The following FAM53A variants were observed in gnomAD, a reference collection of about 807,000 sequenced individuals.
FAM53A encodes family with sequence similarity 53 member A.
Under a neutral mutation model 26.6 loss-of-function variants are expected in FAM53A, and 28 were observed. The ratio of observed to expected loss-of-function variants is 1.05; its 90% CI spans 0.78 to 1.45. FAM53A has a LOEUF of 1.45. Among genes scored for constraint, FAM53A ranks in the 40% most tolerant of loss-of-function variants. The pLI is 0.00. For missense variants in FAM53A, 650 were observed against 575.8 expected, an observed-to-expected ratio of 1.13 and a Z score of -1.32; for synonymous variants, 290 against 253.1, an observed-to-expected ratio of 1.15 and a Z score of -1.38.
At chr4:1,600,013 G>C in the FAM53A span, among the ~76,000 whole-genome samples, 1 of 151,886 alleles carries the variant, frequency 6.6e-6, no homozygotes, top group Non-Finnish European at 1.5e-5. Context: ...TCCCACCTAG[G>C]CGAGGCCCCT....
the FAM53A span, among the ~76,000 whole-genome samples, chr4:1,593,194 G>A: frequency 6.6e-6 from 1 of 152,180 alleles, no homozygotes; most frequent in Non-Finnish European, 1.5e-5. Context: ...TCCCGACACC[G>A]GCCTCGCGGG....
chr4:1,667,127 C>CAAA (rs570780273), intron 2 of FAM53A, among the ~76,000 whole-genome samples: 35,306 of 129,634 alleles, frequency 0.27, 5,286 homozygotes, highest in Middle Eastern at 0.46. Flanking sequence ...GACTCCATCT[C>CAAA]AAAAAAAAAA....
chr4:1,627,555 C>T (rs1715362731), intron 1 of FAM53A, among the ~76,000 whole-genome samples: 1 of 152,184 alleles, frequency 6.6e-6, no homozygotes, highest in Non-Finnish European at 1.5e-5. Flanking sequence ...CTGACCCCTC[C>T]CCACAGCATG....
chr4:1,590,053 C>T, the FAM53A span, among the ~76,000 whole-genome samples: 1 of 152,016 alleles, frequency 6.6e-6, no homozygotes, highest in Non-Finnish European at 1.5e-5. Context: ...TCTCTAGGTA[C>T]TGCTTTGGGT....
chr4:1,596,461 G>A, the FAM53A span, among the ~76,000 whole-genome samples: 3 of 112,206 alleles, frequency 2.7e-5, no homozygotes, highest in African/African-American at 3.6e-5. Context: ...ACCGCCCAAC[G>A]CTGGCTACAC....
intron 1 of FAM53A, among the ~76,000 whole-genome samples, chr4:1,669,585 G>T (rs1714485750): frequency 6.6e-6 from 1 of 152,238 alleles, no homozygotes; most frequent in Non-Finnish European, 1.5e-5. Flanking sequence ...CACCCAGCGT[G>T]TCCCCAAACT....
chr4:1,655,924 G>C (rs117895755), intron 3 of FAM53A, among the ~76,000 whole-genome samples: 1 of 151,912 alleles, frequency 6.6e-6, no homozygotes, highest in African/African-American at 2.4e-5. Context: ...TGCGGGGCTC[G>C]GCTCACTTCT....
chr4:1,588,656 A>G, the FAM53A span, among the ~76,000 whole-genome samples: 4 of 152,226 alleles, frequency 2.6e-5, no homozygotes, highest in African/African-American at 9.6e-5. Flanking sequence ...GCAAGCCTTC[A>G]GGTGACTTCA....
chr4:1,575,938 G>A, the FAM53A span, among the ~76,000 whole-genome samples: 1 of 152,186 alleles, frequency 6.6e-6, no homozygotes, highest in African/African-American at 2.4e-5. Flanking sequence ...GCCACCCGGG[G>A]TGAAGTGGCC....
chr4:1,685,084 G>T (rs1037789766), upstream of FAM53A, among the ~76,000 whole-genome samples: 3 of 152,170 alleles, frequency 2.0e-5, no homozygotes, highest in Admixed American at 6.5e-5. Flanking sequence ...CTGGGGCTCG[G>T]GTGTGTCCTG....
At chr4:1,673,524 G>C (rs1048762719) in intron 1 of FAM53A, among the ~76,000 whole-genome samples, 1 of 152,156 alleles carries the variant, frequency 6.6e-6, no homozygotes, top group Non-Finnish European at 1.5e-5. Flanking sequence ...AGGAGGTCAG[G>C]AGATCGAGAC....
At chr4:1,598,754 G>A in the FAM53A span, among the ~76,000 whole-genome samples, 2 of 152,164 alleles carry the variant, frequency 1.3e-5, no homozygotes, top group Non-Finnish European at 2.9e-5. Context: ...TTCAATTTCC[G>A]AAGATTTTGA....
intron 1 of FAM53A, among the ~76,000 whole-genome samples, chr4:1,678,060 T>C (rs1182619046): frequency 6.6e-6 from 1 of 152,148 alleles, no homozygotes; most frequent in East Asian, 1.9e-4. Context: ...TAAGACTTAT[T>C]ATAAAATTGC....
In FAM53A at chr4:1,641,372, T is replaced by A; in HGVS notation, c.1118A>T (p.Asp373Val). ...GSRRSSGDPR[D>V]GDSVGEEGVF... ...GCCCTCCTCCCCGACACTGTCCCCA[T>A]CACGGGGGTCCCCGCTGCTCCTGCG... The change falls in exon 5 of 5, where the codon GAT (aspartate) becomes GTT (valine). Residue 373 changes from aspartate to valine, a missense_variant. Physicochemically the swap from Asp to Val is radical, Grantham distance 152 (BLOSUM62 -3). Transcript: ENST00000308132. The A allele has an allele frequency of 6.2e-7, 1 of 1,610,952 alleles. No homozygotes were observed. The highest frequency in any genetic ancestry group is 8.5e-7 in the Non-Finnish European group (1 of 1,179,142).
intron 4 of FAM53A, among the ~76,000 whole-genome samples, chr4:1,647,816 T>G (rs1712383100): frequency 6.6e-6 from 1 of 151,614 alleles, no homozygotes; most frequent in African/African-American, 2.4e-5. Context: ...CCACCCAGAG[T>G]CAGGACTAAT....
At chr4:1,617,833 C>T (rs1263018509), downstream of FAM53A, 12 of 356,932 alleles carry the variant, frequency 3.4e-5, no homozygotes. Flanking sequence ...GACAGCAGAG[C>T]CTCAGGCCTG....
At chr4:1,583,233 C>A in the FAM53A span, among the ~76,000 whole-genome samples, 74 of 152,268 alleles carry the variant, frequency 4.9e-4, no homozygotes, top group Non-Finnish European at 7.9e-4. Flanking sequence ...AGGGGACCAG[C>A]ACCAAGAGGA....
chr4:1,643,515 T>C (rs1040233579), intron 4 of FAM53A, among the ~76,000 whole-genome samples: 6 of 152,010 alleles, frequency 3.9e-5, no homozygotes, highest in African/African-American at 1.4e-4. Flanking sequence ...TTTCTGTCTT[T>C]GTGGTTCTAC....
the FAM53A span, among the ~76,000 whole-genome samples, chr4:1,605,892 A>AG: frequency 6.6e-6 from 1 of 152,080 alleles, no homozygotes; most frequent in Admixed American, 6.5e-5. This position sits in a 1 kb window ranked among gnomAD's most constrained non-coding sequence, Gnocchi z 5.7. Flanking sequence ...ACTGGAGTTC[A>AG]GGGGGACCCT....
Sources: gnomAD v4.1 joint callset for allele counts (sites outside exome capture counted in the v4.1 genomes callset) on GRCh38, gnomAD v4.1.1 for gene constraint, Gnocchi (gnomAD v3.1) non-coding constraint, MANE v1.5 for transcripts, NCBI Gene and HGNC (gene_info 2026-07-23, HGNC 2026-07-21) for gene names.